MAF: variants seen among roughly 807,000 people sequenced by gnomAD.
MAF encodes transcription factor Maf.
In MAF, 10 loss-of-function variants were observed where a neutral mutation model predicts 22.0. The ratio of observed to expected loss-of-function variants is 0.45; its 90% CI spans 0.28 to 0.77. The LOEUF is 0.77. Ranked by LOEUF, MAF falls within the 30% of genes least tolerant of loss-of-function variation. The pLI, the probability that MAF is intolerant of heterozygous loss-of-function variation, is 0.12. For synonymous variants in MAF, 337 were observed against 255.8 expected (o/e 1.32, Z -3.03); for missense variants, 544 against 548.4 (o/e 0.99, Z 0.08).
At chr16:79,268,502 T>C in the MAF span, among the ~76,000 whole-genome samples, 1 of 152,150 alleles carries the variant, frequency 6.6e-6, no homozygotes, top group Non-Finnish European at 1.5e-5. Context: ...TGGAACGTAA[T>C]ATAGGTTAGC....
chr16:79,570,486 C>T, the MAF span, among the ~76,000 whole-genome samples: 10 of 152,304 alleles, frequency 6.6e-5, no homozygotes, highest in African/African-American at 2.4e-4. Context: ...TTGACATCTC[C>T]AGCCCACAGC....
At chr16:79,288,854 T>G in the MAF span, among the ~76,000 whole-genome samples, 1 of 152,114 alleles carries the variant, frequency 6.6e-6, no homozygotes, top group Non-Finnish European at 1.5e-5. Flanking sequence ...CTCAGCCTCC[T>G]GAGTAGCTGG....
chr16:79,230,915 GGC>G, the MAF span, among the ~76,000 whole-genome samples: 2 of 151,986 alleles, frequency 1.3e-5, no homozygotes, highest in Non-Finnish European at 2.9e-5. Flanking sequence ...TACGGGGTAG[GGC>G]TGCATACGCT....
chr16:79,447,980 A>G, the MAF span, among the ~76,000 whole-genome samples: 4 of 152,078 alleles, frequency 2.6e-5, no homozygotes, highest in African/African-American at 9.7e-5. Context: ...TAAAACTTGA[A>G]TGAATGAGAT....
the MAF span, among the ~76,000 whole-genome samples, chr16:79,347,608 A>T: frequency 6.6e-6 from 1 of 152,224 alleles, no homozygotes; most frequent in Non-Finnish European, 1.5e-5. Flanking sequence ...GCGGCAGGGG[A>T]GGTGTCAGAG....
chr16:79,461,380 A>G, the MAF span, among the ~76,000 whole-genome samples: 23 of 152,220 alleles, frequency 1.5e-4, no homozygotes, highest in Admixed American at 1.0e-3. Context: ...GCTCTCCTCC[A>G]AGGGACAACT....
the MAF span, among the ~76,000 whole-genome samples, chr16:79,445,243 C>T: frequency 6.6e-6 from 1 of 151,620 alleles, no homozygotes; most frequent in African/African-American, 2.4e-5. Context: ...TGGGGTTTCA[C>T]CATGTTAGCC....
At chr16:79,418,599 C>T in the MAF span, among the ~76,000 whole-genome samples, 6 of 152,144 alleles carry the variant, frequency 3.9e-5, no homozygotes, top group East Asian at 1.2e-3. Flanking sequence ...GAGGCGTGCT[C>T]ACTCTAGGTA....
the MAF span, among the ~76,000 whole-genome samples, chr16:79,393,481 A>T: frequency 1.3e-5 from 2 of 152,358 alleles, no homozygotes; most frequent in African/African-American, 4.8e-5. Context: ...AAAGAGGATA[A>T]TGCAGAAGAC....
At chr16:79,381,142 A>T in the MAF span, among the ~76,000 whole-genome samples, 13 of 151,978 alleles carry the variant, frequency 8.6e-5, no homozygotes, top group African/African-American at 2.9e-4. Context: ...CTAGAGATCA[A>T]TGATAAGTAG....
the MAF span, chr16:79,505,806 T>A: frequency 2.0e-4 from 30 of 152,278 alleles, no homozygotes; most frequent in African/African-American, 6.7e-4. Context: ...GATAGGGAGC[T>A]GGGGATAAAA....
the MAF span, among the ~76,000 whole-genome samples, chr16:79,395,352 A>T: frequency 1.3e-5 from 2 of 152,196 alleles, no homozygotes; most frequent in Admixed American, 1.3e-4. Context: ...CTAAGATGGA[A>T]GATAGGGGTA....
chr16:79,537,196 T>C, the MAF span, among the ~76,000 whole-genome samples: 1 of 152,208 alleles, frequency 6.6e-6, no homozygotes, highest in African/African-American at 2.4e-5. Context: ...CATATCTGCT[T>C]TGAGATAGCA....
the MAF span, among the ~76,000 whole-genome samples, chr16:79,248,522 T>A: frequency 6.6e-6 from 1 of 152,230 alleles, no homozygotes; most frequent in South Asian, 2.1e-4. Context: ...CTCTGCAGAA[T>A]TGTAACATGG....
the MAF span, among the ~76,000 whole-genome samples, chr16:79,487,220 A>G: frequency 8.5e-5 from 13 of 152,094 alleles, no homozygotes; most frequent in African/African-American, 2.4e-4. Flanking sequence ...AAAAAAAAAA[A>G]AAATTCCCAT....
At chr16:79,281,624 C>T in the MAF span, among the ~76,000 whole-genome samples, 1 of 149,144 alleles carries the variant, frequency 6.7e-6, no homozygotes, top group Admixed American at 6.7e-5. Context: ...TCTCGGCTCA[C>T]TGCAACCTCC....
At chr16:79,258,635 G>C in the MAF span, among the ~76,000 whole-genome samples, 1 of 152,184 alleles carries the variant, frequency 6.6e-6, no homozygotes, top group African/African-American at 2.4e-5. Flanking sequence ...AACAGGCTTT[G>C]GGGAAGGAAC....
the MAF span, among the ~76,000 whole-genome samples, chr16:79,314,672 G>A: frequency 1.3e-5 from 2 of 152,186 alleles, no homozygotes; most frequent in African/African-American, 2.4e-5. Flanking sequence ...TCCCCTGGAG[G>A]GTCATCAAAG....
At chr16:79,375,166 T>G in the MAF span, among the ~76,000 whole-genome samples, 1 of 152,246 alleles carries the variant, frequency 6.6e-6, no homozygotes, top group Non-Finnish European at 1.5e-5. Flanking sequence ...AGTGGATGGC[T>G]ATTTTCAGAA....
Sources: gnomAD v4.1 joint callset for allele counts (sites outside exome capture counted in the v4.1 genomes callset) on GRCh38, gnomAD v4.1.1 for gene constraint, MANE v1.5 for transcripts, NCBI Gene and HGNC (gene_info 2026-07-23, HGNC 2026-07-21) for gene names.